The following AFF3 variants were observed in gnomAD, a reference collection of about 807,000 sequenced individuals.
AFF3 encodes AF4/FMR2 family member 3.
AFF3 carries 32 observed loss-of-function variants against 129.7 expected under a neutral mutation model. That is an observed-to-expected ratio of 0.25 (90% CI 0.19 to 0.33). The LOEUF is 0.33. AFF3 is among the 10% of genes least tolerant of loss of function. The pLI is 1.00. For missense variants in AFF3, 1,373 were observed against 1,592.0 expected (o/e 0.86, Z 2.34); for synonymous variants, 644 against 635.4 (o/e 1.01, Z -0.20).
intron 12 of AFF3, among the ~76,000 whole-genome samples, chr2:99,664,047 A>G (rs1364128548): frequency 6.6e-6 from 1 of 152,230 alleles, no homozygotes; most frequent in Non-Finnish European, 1.5e-5. Flanking sequence ...CTAATCTATT[A>G]AATTTTTTTA....
chr2:99,874,172 G>A (rs548982968), intron 7 of AFF3, among the ~76,000 whole-genome samples: 173 of 152,112 alleles, frequency 1.1e-3, no homozygotes, highest in Non-Finnish European at 1.8e-3. Context: ...GCTAGACTCC[G>A]TCTCAAAAAA....
intron 4 of AFF3, among the ~76,000 whole-genome samples, chr2:100,047,208 T>C (rs1573246151): frequency 6.6e-6 from 1 of 152,382 alleles, no homozygotes; most frequent in East Asian, 1.9e-4. Context: ...TGAGCAGTGC[T>C]GAGCCACATG....
At chr2:99,716,961 C>T (rs1678459739) in intron 11 of AFF3, among the ~76,000 whole-genome samples, 1 of 152,094 alleles carries the variant, frequency 6.6e-6, no homozygotes, top group Non-Finnish European at 1.5e-5. Flanking sequence ...ACCCCTGTTG[C>T]CTTTTTCTTG....
intron 13 of AFF3, among the ~76,000 whole-genome samples, chr2:99,617,274 GA>G (rs1681531973): frequency 6.6e-6 from 1 of 152,176 alleles, no homozygotes. Flanking sequence ...TTCCCACCAG[GA>G]GTGCATGGGG....
Position 99,991,629 on chromosome 2 carries a change from G to A in AFF3, c.873+15003C>T, listed in dbSNP as rs370770300. Among the ~76,000 whole-genome samples, 11 of 152,274 alleles carry A rather than the reference G, an allele frequency of 7.2e-5. No homozygotes were observed. The East Asian group carries it at 9.6e-4, about 13-fold the overall frequency. On this transcript the variant is annotated intron_variant, in intron 7 of 24. Transcript: ENST00000672756. ...AACCTTATCACAAAATGGGCCGGGC[G>A]CAGGGGCTCATGCCTGTAATCTCAG...
chr2:99,842,498 C>T (rs868832231), intron 7 of AFF3, among the ~76,000 whole-genome samples: 5 of 152,004 alleles, frequency 3.3e-5, no homozygotes, highest in Admixed American at 3.3e-4. Context: ...GCTGTTGCTC[C>T]GTATTTACTC....
At chr2:99,759,782 G>C (rs186010750) in intron 8 of AFF3, among the ~76,000 whole-genome samples, 5 of 152,266 alleles carry the variant, frequency 3.3e-5, no homozygotes, top group African/African-American at 9.6e-5. Context: ...GCTTTTATAA[G>C]ATTGATTATC....
chr2:99,595,453 A>C (rs111573121), intron 14 of AFF3, among the ~76,000 whole-genome samples: 7 of 152,312 alleles, frequency 4.6e-5, no homozygotes, highest in African/African-American at 1.7e-4. Context: ...GTAAGAAGAC[A>C]CTGCTTAGCT....
chr2:99,887,112 T>C (rs1264563763), intron 7 of AFF3, among the ~76,000 whole-genome samples: 2 of 152,218 alleles, frequency 1.3e-5, no homozygotes, highest in Non-Finnish European at 2.9e-5. Flanking sequence ...GCAACAGGTG[T>C]GCTGATGGAA....
At chr2:99,822,233 G>A (rs1035745251) in intron 8 of AFF3, among the ~76,000 whole-genome samples, 2 of 151,598 alleles carry the variant, frequency 1.3e-5, no homozygotes, top group African/African-American at 4.8e-5. Context: ...GACTTAATGG[G>A]CCCTTCATCA....
intron 2 of AFF3, among the ~76,000 whole-genome samples, chr2:100,123,155 A>AATCCACT (rs1692046323): frequency 6.6e-6 from 1 of 152,244 alleles, no homozygotes; most frequent in Non-Finnish European, 1.5e-5. Flanking sequence ...AAAATAATGC[A>AATCCACT]AAAATGTCTA....
chr2:100,007,617 T>A, intron 5 of AFF3, 157 bp from the exon 6 acceptor site: 1 of 691,498 alleles, frequency 1.4e-6, no homozygotes, highest in Non-Finnish European at 2.4e-6. Flanking sequence ...TGAAGATGTC[T>A]GTCAGCACTT....
rs1041674100 is a variant in AFF3 at position 99,548,399 on chromosome 2, A to G, written c.*3075T>C. On this transcript the variant is annotated 3_prime_UTR_variant, in exon 25 of 25. Transcript: ENST00000672756. ...TTTCTGCACTGTTTGAGTTTTTACA[A>G]TGAGTAGATATTACTTTTCTAATTA... The G allele has an allele frequency of 5.1e-6, 1 of 196,646 alleles. No individual in the cohort carries two copies. The highest frequency in any genetic ancestry group is 1.8e-3 in the Middle Eastern group (1 of 564). The allele number at this position is 196,646 out of a possible 1,614,324, so 12.2% of individuals were successfully genotyped here. A position where few individuals can be genotyped will look rare whatever the true frequency, so the allele number is the denominator to read the frequency against.
chr2:99,878,667 A>C (rs980297068), intron 7 of AFF3, among the ~76,000 whole-genome samples: 6 of 152,252 alleles, frequency 3.9e-5, no homozygotes, highest in Non-Finnish European at 5.9e-5. Flanking sequence ...AAATGTAAGA[A>C]GAGGTAAGAC....
At chr2:99,981,940 C>A (rs1679441519) in intron 7 of AFF3, among the ~76,000 whole-genome samples, 1 of 152,164 alleles carries the variant, frequency 6.6e-6, no homozygotes, top group African/African-American at 2.4e-5. Context: ...AAAAAGAGAG[C>A]CCTGAATTGT....
chr2:100,072,955 T>C (rs1162712565), intron 4 of AFF3, among the ~76,000 whole-genome samples: 2 of 152,202 alleles, frequency 1.3e-5, no homozygotes, highest in Non-Finnish European at 2.9e-5. Flanking sequence ...GAAGAAGTTA[T>C]TGTTGGAATG....
intron 14 of AFF3, among the ~76,000 whole-genome samples, chr2:99,599,403 C>T (rs946686281): frequency 2.2e-4 from 33 of 152,154 alleles, no homozygotes; most frequent in African/African-American, 6.5e-4. Context: ...GGATTACAGG[C>T]GCCCACCACC....
At chr2:99,612,684 C>T (rs935394955) in intron 13 of AFF3, among the ~76,000 whole-genome samples, 1 of 152,168 alleles carries the variant, frequency 6.6e-6, no homozygotes, top group African/African-American at 2.4e-5. Flanking sequence ...TAGGGTTTTG[C>T]TGATGCTGGG....
At chr2:99,778,248 T>C (rs565023199) in intron 8 of AFF3, among the ~76,000 whole-genome samples, 10 of 152,274 alleles carry the variant, frequency 6.6e-5, no homozygotes, top group African/African-American at 2.4e-4. Flanking sequence ...CCTTCTCATC[T>C]CTTATCTCCT....
Sources: gnomAD v4.1 joint callset for allele counts (sites outside exome capture counted in the v4.1 genomes callset) on GRCh38, gnomAD v4.1.1 for gene constraint, MANE v1.5 for transcripts, NCBI Gene and HGNC (gene_info 2026-07-23, HGNC 2026-07-21) for gene names.